Variants in ENPP1 observed in about 807,000 individuals in gnomAD.
The protein encoded by ENPP1 is ectonucleotide pyrophosphatase/phosphodiesterase family member 1.
Under a neutral mutation model 122.8 loss-of-function variants are expected in ENPP1, and 73 were observed. The ratio of observed to expected loss-of-function variants is 0.59; its 90% CI spans 0.49 to 0.72. The LOEUF is 0.72. ENPP1 is among the 30% of genes least tolerant of loss of function. The pLI is 0.00. For synonymous variants in ENPP1, 367 were observed against 391.6 expected (o/e 0.94, Z 0.74); for missense variants, 978 against 1,128.1 (o/e 0.87, Z 1.91).
intron 1 of ENPP1, chr6:131,826,571 T>G (rs1781548667): frequency 1.4e-5 from 17 of 1,220,156 alleles, no homozygotes; most frequent in Non-Finnish European, 2.0e-5. Flanking sequence ...TGCAAATTAT[T>G]CAGGCTGAAA....
intron 24 of ENPP1, among the ~76,000 whole-genome samples, chr6:131,887,559 ATTTT>A (rs71030768): frequency 1.2e-5 from 1 of 86,334 alleles, no homozygotes. Context: ...CACCCAGCTA[ATTTT>A]TTTTTTTTTT....
chr6:131,880,149 A>T, intron 20 of ENPP1, 115 bp downstream of exon 20: 3 of 1,059,224 alleles, frequency 2.8e-6, no homozygotes. Context: ...CCCGCATTAG[A>T]GGAACACTGA....
chr6:131,816,148 G>A (rs182795474), intron 1 of ENPP1, among the ~76,000 whole-genome samples: 1 of 152,106 alleles, frequency 6.6e-6, no homozygotes, highest in Middle Eastern at 3.2e-3. Flanking sequence ...AAATATTTGT[G>A]TGACATTTAA....
At position 131,851,458 on chromosome 6, in the gene ENPP1, A is replaced by C. The variant is rs1781880393; in HGVS notation, c.556+191A>C. The C allele has an allele frequency of 9.8e-6, 6 of 610,936 alleles. 1 individual carries two copies. Among genetic ancestry groups the C allele is most frequent in the Non-Finnish European group, 1.7e-5 (6 of 352,604 alleles). 37.8% of individuals were successfully genotyped at this position (610,936 alleles called of 1,614,324 possible). On this transcript the variant is annotated intron_variant, in intron 4 of 24. Coordinates refer to ENST00000647893, the MANE Select transcript of ENPP1 (RefSeq NM_006208.3). ...CATGGGGAGAGAGAGTATGTAATGA[A>C]CATTATACCCATCACCCAGCTTCAT...
intron 1 of ENPP1, among the ~76,000 whole-genome samples, chr6:131,821,212 G>A (rs1337555846): frequency 6.6e-6 from 1 of 152,154 alleles, no homozygotes; most frequent in Admixed American, 6.5e-5. Flanking sequence ...TCAGAGGTTT[G>A]TCTGAACAAT....
chr6:131,875,676 A>T, intron 16 of ENPP1, 100 bp from the exon 17 acceptor site: 1 of 871,902 alleles, frequency 1.1e-6, no homozygotes, highest in Non-Finnish European at 2.0e-6. Flanking sequence ...TTATCTTATC[A>T]TAACCAGTTT....
At chr6:131,835,769 C>T (rs576708731) in intron 1 of ENPP1, among the ~76,000 whole-genome samples, 1 of 152,052 alleles carries the variant, frequency 6.6e-6, no homozygotes, top group Non-Finnish European at 1.5e-5. Flanking sequence ...CCTCATGTGT[C>T]CATGTGTTCT....
chr6:131,835,936 A>G (rs1562514945), intron 1 of ENPP1, among the ~76,000 whole-genome samples: 1 of 152,240 alleles, frequency 6.6e-6, no homozygotes, highest in African/African-American at 2.4e-5. Context: ...TTTCATTTAA[A>G]GAAAGGTTAA....
chr6:131,834,013 G>A (rs1293395233), intron 1 of ENPP1, among the ~76,000 whole-genome samples: 1 of 152,156 alleles, frequency 6.6e-6, no homozygotes, highest in East Asian at 1.9e-4. Flanking sequence ...TCTCCTTATT[G>A]ATGAAATGCT....
At chr6:131,828,145 G>T in intron 1 of ENPP1, 1 of 577,948 alleles carries the variant, frequency 1.7e-6, no homozygotes, top group South Asian at 1.4e-5. Flanking sequence ...TCTGGATTCC[G>T]AGTGGGATCG....
At chr6:131,859,094 A>G (rs546338893) in intron 7 of ENPP1, among the ~76,000 whole-genome samples, 1 of 152,328 alleles carries the variant, frequency 6.6e-6, no homozygotes, top group South Asian at 2.1e-4. Flanking sequence ...TCCTGTGTTC[A>G]CAACTTGTCT....
intron 1 of ENPP1, among the ~76,000 whole-genome samples, chr6:131,843,224 G>C (rs994163043): frequency 6.6e-6 from 1 of 152,094 alleles, no homozygotes; most frequent in African/African-American, 2.4e-5. Flanking sequence ...TTCTGATTAG[G>C]TGTTTTGTAA....
intron 1 of ENPP1, among the ~76,000 whole-genome samples, chr6:131,841,438 A>G (rs1299544020): frequency 6.6e-6 from 1 of 152,250 alleles, no homozygotes; most frequent in East Asian, 1.9e-4. Context: ...ACACATTGGA[A>G]TACCACATCC....
At chr6:131,845,520 G>A (rs1341630188) in intron 1 of ENPP1, among the ~76,000 whole-genome samples, 3 of 147,066 alleles carry the variant, frequency 2.0e-5, no homozygotes, top group Non-Finnish European at 3.0e-5. Context: ...GCAGTGGTGC[G>A]ATCTGTGCTC....
At chr6:131,822,179 A>ATTGACATATTC (rs1316020789) in intron 1 of ENPP1, among the ~76,000 whole-genome samples, 1 of 152,232 alleles carries the variant, frequency 6.6e-6, no homozygotes, top group African/African-American at 2.4e-5. Flanking sequence ...TGTGAAGAAT[A>ATTGACATATTC]TTGACATATA....
intron 5 of ENPP1, among the ~76,000 whole-genome samples, chr6:131,853,096 CTA>C (rs1781901591): frequency 6.6e-6 from 1 of 152,056 alleles, no homozygotes; most frequent in African/African-American, 2.4e-5. Context: ...TTTTCCCAGA[CTA>C]TTAAAATTTT....
rs762131326 is a variant in ENPP1, at chr6:131,858,754, T to G, written c.795+7T>G. ...TCACTACAGCATTGTCACCGTAAGC[T>G]CTGCATTTCAACTTCTATCTGTTTG... is the stretch of plus-strand genomic sequence containing the variant. On this transcript the variant is annotated splice_region_variant and intron_variant, in intron 7 of 24. Coordinates refer to ENST00000647893, the MANE Select transcript of ENPP1 (RefSeq NM_006208.3). 1.3e-6 allele frequency: 2 copies of G among 1,588,462 alleles called. No individual in the cohort carries two copies. Among genetic ancestry groups the G allele is most frequent in the Non-Finnish European group, 1.7e-6 (2 of 1,156,986 alleles).
rs1182880845 is a variant in ENPP1, at chr6:131,893,034, G to T, written c.*2523G>T. The T allele has an allele frequency of 6.6e-6, 1 of 152,124 alleles. No individual in the cohort carries two copies. Among genetic ancestry groups the T allele is most frequent in the African/African-American group, 2.4e-5 (1 of 41,404 alleles). The allele number at this position is 152,124 out of a possible 1,614,324, so 9.4% of individuals were successfully genotyped here. On this transcript the variant is annotated 3_prime_UTR_variant, in exon 25 of 25. Transcript: ENST00000647893. Reference sequence around the variant, plus strand: ...TGTTACTTGGGCCCCAATGTTCCTAGCCTATTTTCTGTCTACTATTCAGAG... The same window carrying T: ...TGTTACTTGGGCCCCAATGTTCCTATCCTATTTTCTGTCTACTATTCAGAG...
intron 4 of ENPP1, among the ~76,000 whole-genome samples, chr6:131,851,814 G>T (rs1170473227): frequency 5.3e-5 from 8 of 152,056 alleles, no homozygotes. Flanking sequence ...ATATGAGAGA[G>T]AACTAAGACA....
Sources: gnomAD v4.1 joint callset for allele counts (sites outside exome capture counted in the v4.1 genomes callset) on GRCh38, gnomAD v4.1.1 for gene constraint, MANE v1.5 for transcripts, NCBI Gene and HGNC (gene_info 2026-07-23, HGNC 2026-07-21) for gene names.